The following ATP10B variants were observed in gnomAD, a reference collection of about 807,000 sequenced individuals.
ATP10B encodes ATPase phospholipid transporting 10B (putative).
Under a neutral mutation model 141.2 loss-of-function variants are expected in ATP10B, and 122 were observed. The observed-to-expected ratio is 0.86, with a 90% CI of 0.75 to 1.00. The LOEUF is 1.00. Among genes scored for constraint, ATP10B ranks in the 50% least tolerant of loss-of-function variants. ATP10B has a pLI of 0.00. For synonymous variants in ATP10B, 685 were observed against 692.0 expected (o/e 0.99, Z 0.16); for missense variants, 1,876 against 1,825.3 (o/e 1.03, Z -0.51).
chr5:160,575,826 T>C (rs895305099), intron 24 of ATP10B, among the ~76,000 whole-genome samples: 1 of 152,140 alleles, frequency 6.6e-6, no homozygotes. Context: ...TATGACTGAA[T>C]TGAGCTATAA....
At chr5:160,723,216 C>T (rs754241818) in intron 2 of ATP10B, among the ~76,000 whole-genome samples, 9 of 152,166 alleles carry the variant, frequency 5.9e-5, no homozygotes, top group Admixed American at 2.6e-4. Context: ...AAATATTCAT[C>T]GAGCATATAC....
rs142134249 is a variant in ATP10B, at chr5:160,839,885, G to T, written c.-576+12056C>A. Among the ~76,000 whole-genome samples the T allele has an allele frequency of 3.7e-3, 556 of 152,048 alleles. 1 individual carries two copies. The highest frequency in any genetic ancestry group is 6.4e-3 in the Non-Finnish European group (435 of 67,942). On this transcript the variant is annotated intron_variant, in intron 1 of 25. Transcript: ENST00000327245. Reference sequence around the variant, plus strand: ...GAAAACAGCATAACAGGAGGCAAAAGATATTTTATAATGCTAAAAACCACA... The same window carrying T: ...GAAAACAGCATAACAGGAGGCAAAATATATTTTATAATGCTAAAAACCACA...
intron 6 of ATP10B, among the ~76,000 whole-genome samples, chr5:160,671,324 G>T (rs1762694432): frequency 6.6e-6 from 1 of 152,000 alleles, no homozygotes; most frequent in Admixed American, 6.6e-5. Context: ...TAACTGTATT[G>T]TCATATTAAT....
At chr5:160,578,629 T>C (rs1236166573) in intron 24 of ATP10B, among the ~76,000 whole-genome samples, 1 of 152,202 alleles carries the variant, frequency 6.6e-6, no homozygotes, top group Non-Finnish European at 1.5e-5. Flanking sequence ...TCTTTGCTAT[T>C]GTGAACAGAG....
intron 24 of ATP10B, among the ~76,000 whole-genome samples, chr5:160,573,506 C>T (rs1340585955): frequency 6.6e-6 from 1 of 152,216 alleles, no homozygotes; most frequent in African/African-American, 2.4e-5. Context: ...CCATTAGGAA[C>T]TGGGCTGCAC....
intron 1 of ATP10B, among the ~76,000 whole-genome samples, chr5:160,831,388 C>A (rs184034345): frequency 5.9e-5 from 9 of 152,096 alleles, no homozygotes; most frequent in African/African-American, 2.2e-4. Context: ...ACACATTACC[C>A]CTACTTAAGC....
chr5:160,655,322 C>T (rs543256241), intron 7 of ATP10B, among the ~76,000 whole-genome samples: 171 of 151,500 alleles, frequency 1.1e-3, no homozygotes, highest in Non-Finnish European at 2.1e-3. Flanking sequence ...CTATGAAGCT[C>T]ACTCTAATCC....
intron 1 of ATP10B, among the ~76,000 whole-genome samples, chr5:160,797,674 G>A (rs1772045979): frequency 6.6e-6 from 1 of 152,166 alleles, no homozygotes; most frequent in East Asian, 1.9e-4. Flanking sequence ...AACTAGGAGG[G>A]AACAAACTAG....
chr5:160,819,283 A>T (rs1773923768), intron 1 of ATP10B, among the ~76,000 whole-genome samples: 1 of 152,160 alleles, frequency 6.6e-6, no homozygotes. Context: ...GACATACTTA[A>T]ATTACTTAAG....
chr5:160,563,317 G>A lies in ATP10B; in HGVS notation c.*2136C>T, dbSNP rs1754356116. ...TGGCTTGATTTACAGAGGGGCAAGA[G>A]TAGGTGACCAGTTGTACCAGTTGCT... On this transcript the variant is annotated 3_prime_UTR_variant, in exon 26 of 26. Coordinates refer to ENST00000327245, the MANE Select transcript of ATP10B (RefSeq NM_025153.3). The A allele has an allele frequency of 6.6e-6, 1 of 152,206 alleles. No individual in the cohort carries two copies. Among genetic ancestry groups the A allele is most frequent in the Non-Finnish European group, 1.5e-5 (1 of 68,038 alleles). The allele number at this position is 152,206 out of a possible 1,614,324, so 9.4% of individuals were successfully genotyped here. A position where few individuals can be genotyped will look rare whatever the true frequency, so the allele number is the denominator to read the frequency against.
rs779072620 is a variant in ATP10B, at chr5:160,634,617, A to G, written c.1129-11T>C. 30 of 1,596,486 alleles carry G rather than the reference A, an allele frequency of 1.9e-5. No homozygotes were observed. The highest frequency in any genetic ancestry group is 1.5e-4 in the Admixed American group (9 of 58,462). On this transcript the variant is annotated splice_polypyrimidine_tract_variant and intron_variant, in intron 11 of 25. Coordinates refer to ENST00000327245, the MANE Select transcript of ATP10B (RefSeq NM_025153.3). ...GATGGGGATCAGCACCTGAAAAGAGATGAGTTTCTACCATTCAGAAACCAG... is the reference window on the plus strand; with the variant it reads ...GATGGGGATCAGCACCTGAAAAGAGGTGAGTTTCTACCATTCAGAAACCAG...
intron 2 of ATP10B, among the ~76,000 whole-genome samples, chr5:160,731,421 G>C (rs1318778389): frequency 6.6e-6 from 1 of 152,200 alleles, no homozygotes; most frequent in African/African-American, 2.4e-5. Flanking sequence ...GCAAGAGTTT[G>C]ACTGGTAGTA....
intron 1 of ATP10B, among the ~76,000 whole-genome samples, chr5:160,831,105 A>C (rs1775047486): frequency 5.2e-5 from 2 of 38,386 alleles, no homozygotes; most frequent in Non-Finnish European, 6.4e-5. Flanking sequence ...TGTCACTTTC[A>C]ACACGCTTTT....
intron 6 of ATP10B, among the ~76,000 whole-genome samples, chr5:160,679,408 C>A (rs1763237647): frequency 1.3e-5 from 2 of 152,234 alleles, no homozygotes; most frequent in South Asian, 2.1e-4. Flanking sequence ...GCCACACATA[C>A]AACATTTCAT....
At chr5:160,770,794 T>C (rs1364505374) in intron 2 of ATP10B, among the ~76,000 whole-genome samples, 2 of 152,306 alleles carry the variant, frequency 1.3e-5, no homozygotes, top group East Asian at 3.9e-4. Context: ...GAACAGATGG[T>C]AAAATAGTTG....
chr5:160,741,266 G>T (rs909531605), intron 2 of ATP10B, among the ~76,000 whole-genome samples: 4 of 152,184 alleles, frequency 2.6e-5, no homozygotes, highest in African/African-American at 9.6e-5. Context: ...AGTAAAGTTA[G>T]CAAACAGAAT....
chr5:160,879,963 G>T, the ATP10B span, among the ~76,000 whole-genome samples: 1 of 151,844 alleles, frequency 6.6e-6, no homozygotes, highest in South Asian at 2.1e-4. Flanking sequence ...TAGTCAAGTG[G>T]AATTTGAAAT....
At chr5:160,665,676 C>T (rs568126670) in intron 7 of ATP10B, among the ~76,000 whole-genome samples, 10 of 152,326 alleles carry the variant, frequency 6.6e-5, no homozygotes, top group African/African-American at 2.4e-4. Context: ...GCTTAGCAGA[C>T]TGTGAGAAAT....
At chr5:160,596,391 T>C (rs79316386) in intron 22 of ATP10B, among the ~76,000 whole-genome samples, 103,796 of 143,676 alleles carry the variant, frequency 0.72, 38,321 homozygotes, top group East Asian at 0.84. Flanking sequence ...TGGGACGTAT[T>C]TCAAAATAAT....
Sources: gnomAD v4.1 joint callset for allele counts (sites outside exome capture counted in the v4.1 genomes callset) on GRCh38, gnomAD v4.1.1 for gene constraint, MANE v1.5 for transcripts, NCBI Gene and HGNC (gene_info 2026-07-23, HGNC 2026-07-21) for gene names.